The following SWT1 variants were observed in gnomAD, a reference collection of about 807,000 sequenced individuals.
SWT1 encodes the protein SWT1 RNA endoribonuclease homolog, also known as transcriptional protein SWT1.
SWT1 carries 33 observed loss-of-function variants against 107.3 expected under a neutral mutation model. The ratio of observed to expected loss-of-function variants is 0.31; its 90% CI spans 0.23 to 0.41. SWT1 has a LOEUF of 0.41. Ranked by LOEUF, SWT1 falls within the 10% of genes least tolerant of loss-of-function variation. The probability of loss-of-function intolerance (pLI) is 1.00; values close to 1 mark genes in which losing one functional copy is unlikely to be tolerated. For missense variants in SWT1, 898 were observed against 1,028.9 expected, an observed-to-expected ratio of 0.87 and a Z score of 1.74; for synonymous variants, 345 against 348.3, an observed-to-expected ratio of 0.99 and a Z score of 0.11.
intron 16 of SWT1, chr1:185,251,557 A>G (rs895671875): frequency 3.3e-5 from 5 of 152,008 alleles, no homozygotes; most frequent in African/African-American, 9.7e-5. Flanking sequence ...TTTTCTTTGC[A>G]TATTTTGAGG....
chr1:185,255,489 G>A (rs529382812), intron 16 of SWT1, among the ~76,000 whole-genome samples: 1 of 130,272 alleles, frequency 7.7e-6, no homozygotes, highest in Non-Finnish European at 1.6e-5. Context: ...ATATATTTAG[G>A]ATAGTTAGCT....
intron 16 of SWT1, among the ~76,000 whole-genome samples, chr1:185,245,999 C>G (rs1401550947): frequency 6.6e-6 from 1 of 152,048 alleles, no homozygotes; most frequent in Non-Finnish European, 1.5e-5. Context: ...AATTCCTGAC[C>G]TCAGGTGATC....
At chr1:185,203,961 A>G (rs1658097750) in intron 11 of SWT1, among the ~76,000 whole-genome samples, 1 of 152,196 alleles carries the variant, frequency 6.6e-6, no homozygotes, top group South Asian at 2.1e-4. Context: ...TAGCTTGTCC[A>G]CTTTGTAGAG....
chr1:185,233,443 T>C (rs375681673), intron 16 of SWT1, among the ~76,000 whole-genome samples: 3 of 152,230 alleles, frequency 2.0e-5, no homozygotes, highest in East Asian at 3.8e-4. Context: ...CATTTAGTGC[T>C]ATAAATTTCC....
chr1:185,267,208 G>A lies in SWT1; in HGVS notation c.2442-4115G>A, dbSNP rs557843632. On this transcript the variant is annotated intron_variant, in intron 16 of 18. Transcript: ENST00000367500. Reference sequence around the variant, plus strand: ...AGCTAATATTTATTGAGCATGTACCGTGTGCCCTATGTTGTGCTAAACACT... The same window carrying A: ...AGCTAATATTTATTGAGCATGTACCATGTGCCCTATGTTGTGCTAAACACT... Among the ~76,000 whole-genome samples the A allele has an allele frequency of 2.7e-4, 41 of 152,268 alleles. No homozygotes were observed. In the South Asian group the frequency reaches 5.2e-3, roughly 19 times the overall value.
intron 2 of SWT1, among the ~76,000 whole-genome samples, chr1:185,163,469 C>T (rs1019621222): frequency 3.3e-5 from 5 of 151,140 alleles, no homozygotes; most frequent in Non-Finnish European, 7.4e-5. Flanking sequence ...TCTTGGCCCA[C>T]TGCAACCTCT....
intron 16 of SWT1, among the ~76,000 whole-genome samples, chr1:185,239,741 G>A (rs953426557): frequency 6.6e-6 from 1 of 151,564 alleles, no homozygotes; most frequent in Non-Finnish European, 1.5e-5. Flanking sequence ...TTTAAGATTT[G>A]TTTTTGGTCA....
rs202039303 is a variant in SWT1 at position 185,290,807 on chromosome 1, C to G, written c.*4C>G. The G allele has an allele frequency of 9.1e-5, 146 of 1,598,172 alleles. No individual in the cohort carries two copies. The highest frequency in any genetic ancestry group is 1.9e-4 in the Admixed American group (11 of 57,980). On this transcript the variant is annotated 3_prime_UTR_variant, in exon 19 of 19. Coordinates refer to ENST00000367500, the MANE Select transcript of SWT1 (RefSeq NM_017673.7). The stretch of plus-strand genomic sequence containing the variant: ...CATGCTCAACTATAGGATATAAGTA[C>G]TGATTTGTAACTTTAAAGGAATTGC...
intron 4 of SWT1, chr1:185,171,723 GGC>G: frequency 2.2e-6 from 1 of 459,122 alleles, no homozygotes; most frequent in Non-Finnish European, 4.3e-6. Flanking sequence ...TGGCAGTGAA[GGC>G]AGAAAGGGCA....
At chr1:185,248,570 A>G (rs1217712107) in intron 16 of SWT1, among the ~76,000 whole-genome samples, 2 of 151,458 alleles carry the variant, frequency 1.3e-5, no homozygotes, top group Admixed American at 6.6e-5. Context: ...GAATTTCTAC[A>G]CTCCCCCTCT....
intron 17 of SWT1, among the ~76,000 whole-genome samples, chr1:185,273,477 C>A (rs1300027740): frequency 6.6e-6 from 1 of 151,540 alleles, no homozygotes; most frequent in African/African-American, 2.4e-5. Flanking sequence ...CTGAGGCAGG[C>A]GGATCATGAG....
At chr1:185,167,366 G>A (rs115314731) in intron 3 of SWT1, among the ~76,000 whole-genome samples, 2,054 of 152,262 alleles carry the variant, frequency 0.013, 45 homozygotes, top group African/African-American at 0.047. Context: ...AACACAATAC[G>A]CTAATCCATA....
At chr1:185,270,687 C>T (rs772946704) in intron 16 of SWT1, among the ~76,000 whole-genome samples, 50 of 152,158 alleles carry the variant, frequency 3.3e-4, no homozygotes, top group East Asian at 1.5e-3. Context: ...ACAGCCTGGG[C>T]GACAGAGTGA....
chr1:185,220,252 T>C (rs1164331195), intron 14 of SWT1, among the ~76,000 whole-genome samples: 1 of 150,872 alleles, frequency 6.6e-6, no homozygotes, highest in Non-Finnish European at 1.5e-5. Flanking sequence ...TCTTTCTTTT[T>C]TTTTTTGCCA....
At chr1:185,206,188 ACCTTGTG>A (rs1658321524) in intron 12 of SWT1, among the ~76,000 whole-genome samples, 1 of 152,068 alleles carries the variant, frequency 6.6e-6, no homozygotes, top group Non-Finnish European at 1.5e-5. Context: ...CGAACTCCTG[ACCTTGTG>A]ATACGCCCAC....
chr1:185,277,299 T>C (rs1279159523), intron 18 of SWT1, among the ~76,000 whole-genome samples: 7 of 152,160 alleles, frequency 4.6e-5, no homozygotes, highest in Admixed American at 2.6e-4. Context: ...TATTTTTTCT[T>C]TGACACAGAG....
At position 185,270,468 on chromosome 1, in the gene SWT1, G is replaced by T. The variant is rs1462409235; in HGVS notation, c.2442-855G>T. ...CATAATCCCAGAACTTTGGGAGCCT[G>T]AAGTGGGAGGATCCCTTGAGTCCAG... is the stretch of plus-strand genomic sequence containing the variant. On this transcript the variant is annotated intron_variant, in intron 16 of 18. Coordinates refer to ENST00000367500, the MANE Select transcript of SWT1 (RefSeq NM_017673.7). Among the ~76,000 whole-genome samples the T allele has an allele frequency of 2.0e-5, 3 of 152,270 alleles. No individual in the cohort carries two copies. The East Asian group carries it at 5.8e-4, about 29-fold the overall frequency.
chr1:185,170,732 G>A (rs10911687), intron 4 of SWT1, among the ~76,000 whole-genome samples: 149,955 of 152,342 alleles, frequency 0.98, 73,823 homozygotes, highest in East Asian at 1. Context: ...TCGTTGTCCA[G>A]ACCTTTTATG....
At chr1:185,211,705 G>A (rs891484466) in intron 13 of SWT1, among the ~76,000 whole-genome samples, 1 of 152,016 alleles carries the variant, frequency 6.6e-6, no homozygotes, top group Non-Finnish European at 1.5e-5. Context: ...CCCATTACTG[G>A]GTATATAACC....
Sources: allele counts gnomAD v4.1 joint callset (sites outside exome capture counted in the v4.1 genomes callset), GRCh38; gene constraint gnomAD v4.1.1; transcripts MANE v1.5; gene names NCBI Gene and HGNC (gene_info 2026-07-23, HGNC 2026-07-21).